Variants in SGK3 observed in about 807,000 individuals in gnomAD.
SGK3 encodes serine/threonine-protein kinase Sgk3.
Under a neutral mutation model 68.5 loss-of-function variants are expected in SGK3, and 47 were observed. That is an observed-to-expected ratio of 0.69 (90% CI 0.54 to 0.87). SGK3 has a LOEUF of 0.87. Among genes scored for constraint, SGK3 ranks in the 40% least tolerant of loss-of-function variants. The probability of loss-of-function intolerance (pLI) is 0.00; values close to 1 mark genes in which losing one functional copy is unlikely to be tolerated. For missense variants in SGK3, 479 were observed against 575.5 expected, an observed-to-expected ratio of 0.83 and a Z score of 1.72; for synonymous variants, 181 against 189.1, an observed-to-expected ratio of 0.96 and a Z score of 0.35.
intron 1 of SGK3, among the ~76,000 whole-genome samples, chr8:66,713,647 A>G (rs1052661171): frequency 6.6e-6 from 1 of 152,190 alleles, no homozygotes; most frequent in Non-Finnish European, 1.5e-5. Flanking sequence ...CACCCAGCCA[A>G]TCTGGGAGGT....
chr8:66,744,391 G>A (rs1464031496), intron 1 of SGK3, among the ~76,000 whole-genome samples: 1 of 145,290 alleles, frequency 6.9e-6, no homozygotes, highest in Non-Finnish European at 1.5e-5. Flanking sequence ...GTACTCAATG[G>A]ACCTTTTAAA....
At chr8:66,762,033 C>CT (rs555306715) in intron 1 of SGK3, among the ~76,000 whole-genome samples, 41 of 151,512 alleles carry the variant, frequency 2.7e-4, no homozygotes, top group South Asian at 4.2e-4. Context: ...TTTTTAGACT[C>CT]TTTTTTTTTG....
chr8:66,858,338 C>T lies in SGK3; in HGVS notation c.1321-1073C>T, dbSNP rs370754633. The stretch of plus-strand genomic sequence containing the variant: ...AAAATTAGCCGGGCATGGTGGTGGG[C>T]GCCTGTAGTCCCAGCTACTCGGGAG... On this transcript the variant is annotated intron_variant, in intron 16 of 16. Coordinates refer to ENST00000521198, the MANE Select transcript of SGK3 (RefSeq NM_001033578.3). 5.4e-4 allele frequency among the ~76,000 whole-genome samples: 82 copies of T among 151,828 alleles called. 1 individual carries two copies. Among genetic ancestry groups the T allele is most frequent in the African/African-American group, 1.8e-3 (75 of 41,380 alleles).
At position 66,840,043 on chromosome 8, in the gene SGK3, A is replaced by G. The variant is rs193920898; in HGVS notation, c.782A>G (p.His261Arg). ...HLQRERSFPE[H>R]RARFYAAEIA... ...CAAAGAGAACGGTCCTTTCCTGAGC[A>G]CAGAGCTAGGTTTTACGCTGCTGAA... Residue 261 changes from histidine (H) to arginine (R), a missense_variant, in exon 11 of 17, where the codon CAC becomes CGC. By Grantham distance (29) the His-to-Arg change is conservative. Transcript: ENST00000521198. 5.6e-6 allele frequency: 9 copies of G among 1,613,884 alleles called. No individual in the cohort carries two copies. In the South Asian group the frequency reaches 9.9e-5, roughly 18 times the overall value.
At chr8:66,760,335 T>C (rs1020467742) in intron 1 of SGK3, among the ~76,000 whole-genome samples, 22 of 116,902 alleles carry the variant, frequency 1.9e-4, no homozygotes, top group South Asian at 2.5e-4. Context: ...TTTTTCTTTT[T>C]TTTTTTTTTT....
Position 66,850,925 on chromosome 8 carries a change from G to A in SGK3, c.1320+5G>A, listed in dbSNP as rs55633875. 1.9e-5 allele frequency: 30 copies of A among 1,604,682 alleles called. No individual in the cohort carries two copies. In the Middle Eastern group the frequency reaches 5.0e-4, roughly 27 times the overall value. The stretch of plus-strand genomic sequence containing the variant: ...CCACCATTTAATCCTAATGTGGTAA[G>A]TATATATCCAAATCTTTCTTTCTAG... On this transcript the variant is annotated splice_donor_5th_base_variant and intron_variant, in intron 16 of 16. Coordinates refer to ENST00000521198, the MANE Select transcript of SGK3 (RefSeq NM_001033578.3).
intron 1 of SGK3, among the ~76,000 whole-genome samples, chr8:66,772,308 G>A (rs545145143): frequency 6.7e-6 from 1 of 150,030 alleles, no homozygotes; most frequent in South Asian, 2.1e-4. Flanking sequence ...GGCTGCTCTC[G>A]AACACCAAGG....
intron 1 of SGK3, among the ~76,000 whole-genome samples, chr8:66,748,606 G>C (rs1805716588): frequency 6.6e-6 from 1 of 152,070 alleles, no homozygotes; most frequent in Non-Finnish European, 1.5e-5. Context: ...GTGCTCATTT[G>C]CTGGCGAGGA....
At chr8:66,830,731 G>A (rs1390521642) in intron 7 of SGK3, among the ~76,000 whole-genome samples, 1 of 152,152 alleles carries the variant, frequency 6.6e-6, no homozygotes, top group Non-Finnish European at 1.5e-5. Flanking sequence ...TGTACAATAA[G>A]TGGTTTATAT....
At chr8:66,825,877 G>A (rs1008547046) in intron 6 of SGK3, among the ~76,000 whole-genome samples, 2 of 152,046 alleles carry the variant, frequency 1.3e-5, no homozygotes, top group Non-Finnish European at 2.9e-5. Context: ...CTCCATTAGG[G>A]GAATCCTTGC....
chr8:66,730,664 T>G (rs999323405), intron 1 of SGK3, among the ~76,000 whole-genome samples: 1 of 151,870 alleles, frequency 6.6e-6, no homozygotes, highest in Admixed American at 6.6e-5. Flanking sequence ...TTTGCATGTG[T>G]ATATCCAGTT....
intron 10 of SGK3, among the ~76,000 whole-genome samples, 181 bp downstream of exon 10, chr8:66,836,255 G>A (rs1156817338): frequency 6.6e-6 from 1 of 152,160 alleles, no homozygotes; most frequent in Admixed American, 6.5e-5. Flanking sequence ...TAAGCATATG[G>A]TATAGTTGAG....
intron 1 of SGK3, among the ~76,000 whole-genome samples, chr8:66,762,207 G>A (rs557927907): frequency 6.6e-6 from 1 of 152,248 alleles, no homozygotes; most frequent in South Asian, 2.1e-4. Flanking sequence ...GACCTCACGT[G>A]ATCCACCCAC....
intron 16 of SGK3, among the ~76,000 whole-genome samples, chr8:66,857,799 A>ATGTGTCTGTGTG (rs1810581419): frequency 7.5e-6 from 1 of 133,716 alleles, no homozygotes; most frequent in Non-Finnish European, 1.6e-5. Flanking sequence ...GTGTGTGTGT[A>ATGTGTCTGTGTG]TGTGTGTGTG....
intron 1 of SGK3, among the ~76,000 whole-genome samples, chr8:66,782,827 T>C (rs1807045946): frequency 6.6e-6 from 1 of 152,242 alleles, no homozygotes; most frequent in Non-Finnish European, 1.5e-5. Context: ...TTTTTAGCAC[T>C]GAAAAGTATT....
intron 16 of SGK3, 60 bp downstream of exon 16, chr8:66,850,980 A>G (rs1810259353): frequency 1.3e-6 from 2 of 1,503,272 alleles, no homozygotes; most frequent in Non-Finnish European, 1.8e-6. Context: ...AGTTCATTGT[A>G]AGTTTGAAAC....
chr8:66,855,865 T>C (rs893265482), intron 16 of SGK3, among the ~76,000 whole-genome samples: 22 of 152,254 alleles, frequency 1.4e-4, no homozygotes, highest in Admixed American at 3.3e-4. Flanking sequence ...GTAGGTGTTC[T>C]CATACAGTGT....
At chr8:66,845,922 G>C (rs76299115) in intron 14 of SGK3, among the ~76,000 whole-genome samples, 3,109 of 151,644 alleles carry the variant, frequency 0.021, 110 homozygotes, top group African/African-American at 0.07. Flanking sequence ...TATTACTTTT[G>C]TAATTTTCAC....
intron 1 of SGK3, among the ~76,000 whole-genome samples, chr8:66,751,539 C>T (rs1805817943): frequency 2.0e-5 from 3 of 152,100 alleles, no homozygotes; most frequent in African/African-American, 7.2e-5. Flanking sequence ...ACTTAGCTGT[C>T]ATTGAGCACA....
Sources: gnomAD v4.1 joint callset for allele counts (sites outside exome capture counted in the v4.1 genomes callset) on GRCh38, gnomAD v4.1.1 for gene constraint, MANE v1.5 for transcripts, NCBI Gene and HGNC (gene_info 2026-07-23, HGNC 2026-07-21) for gene names.